JARID2: variants seen among roughly 807,000 people sequenced by gnomAD.
JARID2 encodes the protein protein Jumonji.
A neutral mutation model predicts 125.6 loss-of-function variants in JARID2; 21 were observed. The ratio of observed to expected loss-of-function variants is 0.17; its 90% CI spans 0.12 to 0.24. The LOEUF is 0.24. Ranked by LOEUF, JARID2 falls within the 10% of genes least tolerant of loss-of-function variation. JARID2 has a pLI of 1.00. For synonymous variants in JARID2, 736 were observed against 661.6 expected (o/e 1.11, Z -1.73); for missense variants, 1,303 against 1,639.6 (o/e 0.79, Z 3.55).
At chr6:15,247,800 A>C in intron 1 of JARID2, 21 of 985,454 alleles carry the variant, frequency 2.1e-5, no homozygotes, top group Non-Finnish European at 2.5e-5. Context: ...TAAATAATCA[A>C]GCCCAACTTA....
intron 5 of JARID2, among the ~76,000 whole-genome samples, chr6:15,472,262 C>G (rs1228283908): frequency 6.6e-6 from 1 of 151,914 alleles, no homozygotes; most frequent in Non-Finnish European, 1.5e-5. Context: ...GTCCCTCTTC[C>G]GCCCTGTCTC....
chr6:15,403,268 A>G (rs997553246), intron 2 of JARID2, among the ~76,000 whole-genome samples: 2 of 152,102 alleles, frequency 1.3e-5, no homozygotes, highest in Admixed American at 1.3e-4. Flanking sequence ...ATAAAGTTAA[A>G]CTGTCAGCCT....
chr6:15,335,086 C>T (rs910988642), intron 1 of JARID2, among the ~76,000 whole-genome samples: 2 of 151,478 alleles, frequency 1.3e-5, no homozygotes, highest in African/African-American at 4.9e-5. Flanking sequence ...CCACACCCCT[C>T]TTTTTTTTTC....
intron 1 of JARID2, among the ~76,000 whole-genome samples, chr6:15,261,315 T>C (rs1311775974): frequency 0.17 from 15,847 of 95,426 alleles, 1,015 homozygotes; most frequent in African/African-American, 0.27. Context: ...CTTCTTCTTT[T>C]TTTTTTTTTT....
At chr6:15,247,415 T>G (rs1335323544) in intron 1 of JARID2, 25 of 973,342 alleles carry the variant, frequency 2.6e-5, no homozygotes, top group Non-Finnish European at 3.0e-5. Flanking sequence ...TTGTTTTGTG[T>G]GTGGTGGCTT....
chr6:15,354,748 A>T (rs1763541544), intron 1 of JARID2, among the ~76,000 whole-genome samples: 2 of 152,216 alleles, frequency 1.3e-5, no homozygotes, highest in South Asian at 4.1e-4. Flanking sequence ...GGTGAAATTC[A>T]GCTGGTAATG....
chr6:15,474,977 C>T lies in JARID2; in HGVS notation c.670+6259C>T, dbSNP rs182084834. On this transcript the variant is annotated intron_variant, in intron 5 of 17. Coordinates refer to ENST00000341776, the MANE Select transcript of JARID2 (RefSeq NM_004973.4). ...AGTAATAATCCCGGTTGACACCAGT[C>T]GTTTACACAAGAATCCTCCAAGTGG... 1.7e-3 allele frequency among the ~76,000 whole-genome samples: 259 copies of T among 152,318 alleles called. 1 individual carries two copies. The highest frequency in any genetic ancestry group is 6.0e-3 in the African/African-American group (250 of 41,570).
At chr6:15,348,370 G>A (rs149415618) in intron 1 of JARID2, among the ~76,000 whole-genome samples, 1 of 152,280 alleles carries the variant, frequency 6.6e-6, no homozygotes, top group African/African-American at 2.4e-5. Context: ...GATTACAGGC[G>A]TGAGCCACGG....
intron 2 of JARID2, among the ~76,000 whole-genome samples, chr6:15,398,708 G>A (rs145285711): frequency 4.9e-4 from 75 of 152,276 alleles, no homozygotes; most frequent in African/African-American, 1.5e-3. Flanking sequence ...TTAAATACCC[G>A]TTTCTCTTTA....
chr6:15,251,960 C>T (rs1466467692), intron 1 of JARID2, among the ~76,000 whole-genome samples: 6 of 151,518 alleles, frequency 4.0e-5, no homozygotes, highest in Admixed American at 6.6e-5. Flanking sequence ...TGCAGTGAGC[C>T]GCTTGAACCT....
chr6:15,442,805 A>T, intron 3 of JARID2, among the ~76,000 whole-genome samples: 1 of 152,208 alleles, frequency 6.6e-6, no homozygotes, highest in East Asian at 1.9e-4. Flanking sequence ...TGATCATGAC[A>T]GTCATGATTT....
chr6:15,429,038 A>T (rs867450645), intron 3 of JARID2, among the ~76,000 whole-genome samples: 3 of 151,596 alleles, frequency 2.0e-5, no homozygotes, highest in Non-Finnish European at 2.9e-5. Flanking sequence ...TGAAAGCAAC[A>T]TCATCCATAT....
chr6:15,284,442 T>C, intron 1 of JARID2, among the ~76,000 whole-genome samples: 1 of 152,054 alleles, frequency 6.6e-6, no homozygotes, highest in Non-Finnish European at 1.5e-5. Context: ...TGGGCTATAC[T>C]CCAGAGTTCC....
chr6:15,501,067 C>T lies in JARID2; in HGVS notation c.2106C>T (p.Cys702=). 1.2e-6 allele frequency: 2 copies of T among 1,613,958 alleles called. No homozygotes were observed. Among genetic ancestry groups the T allele is most frequent in the Non-Finnish European group, 1.7e-6 (2 of 1,179,834 alleles). The change falls in exon 8 of 18, where the codon TGC becomes TGT. Residue 702 remains cysteine (C), a synonymous_variant. Transcript: ENST00000341776. ...TGGCCAAGCTGCAGGAGGCCTACTG[C>T]CAGTACCTACTCTCCTACGACTCCC... ...DRLAKLQEAY[C]QYLLSYDSLS...
intron 1 of JARID2, among the ~76,000 whole-genome samples, chr6:15,342,094 G>C (rs943641163): frequency 6.6e-6 from 1 of 152,046 alleles, no homozygotes; most frequent in Non-Finnish European, 1.5e-5. Context: ...TCACCAAGTT[G>C]GGTAAAACAT....
chr6:15,489,035 A>G (rs1259837596), intron 6 of JARID2, among the ~76,000 whole-genome samples: 6 of 152,162 alleles, frequency 3.9e-5, no homozygotes. Context: ...TGTTGGTCTG[A>G]TGGAGAATTG....
At chr6:15,252,942 G>C (rs190810736) in intron 1 of JARID2, among the ~76,000 whole-genome samples, 1 of 152,116 alleles carries the variant, frequency 6.6e-6, no homozygotes, top group Non-Finnish European at 1.5e-5. Context: ...CGTGGTATCT[G>C]TCTACATTTT....
chr6:15,335,537 C>CA (rs2127461164), intron 1 of JARID2, among the ~76,000 whole-genome samples: 1 of 152,336 alleles, frequency 6.6e-6, no homozygotes, highest in Non-Finnish European at 1.5e-5. Flanking sequence ...GCTCTTCCTT[C>CA]ACATCTGGGA....
intron 3 of JARID2, among the ~76,000 whole-genome samples, chr6:15,429,164 A>G (rs1766865423): frequency 6.6e-6 from 1 of 152,168 alleles, no homozygotes; most frequent in African/African-American, 2.4e-5. Context: ...CAATGGTGGC[A>G]GAGTATCTGC....
Sources: allele counts gnomAD v4.1 joint callset (sites outside exome capture counted in the v4.1 genomes callset), GRCh38; gene constraint gnomAD v4.1.1; transcripts MANE v1.5; gene names NCBI Gene and HGNC (gene_info 2026-07-23, HGNC 2026-07-21).